FBXW10B: variants seen among roughly 807,000 people sequenced by gnomAD.
The protein encoded by FBXW10B is F-box and WD repeat domain containing protein 10B.
chr17:15,581,397 T>A, the FBXW10B span, among the ~76,000 whole-genome samples: 37 of 152,318 alleles, frequency 2.4e-4, no homozygotes, highest in Non-Finnish European at 5.0e-4. Flanking sequence ...CTATCAAGAC[T>A]TTTACCACAC....
At chr17:15,577,173 T>C in the FBXW10B span, among the ~76,000 whole-genome samples, 2 of 152,154 alleles carry the variant, frequency 1.3e-5, no homozygotes, top group Non-Finnish European at 2.9e-5. Flanking sequence ...GAAATTTCTT[T>C]TTTTTTAGTG....
chr17:15,611,765 G>A, the FBXW10B span, among the ~76,000 whole-genome samples: 12 of 151,954 alleles, frequency 7.9e-5, no homozygotes, highest in African/African-American at 2.9e-4. Context: ...CTTTAAGCAG[G>A]TGGGGGGGCG....
At chr17:15,568,165 G>A in the FBXW10B span, among the ~76,000 whole-genome samples, 2 of 152,324 alleles carry the variant, frequency 1.3e-5, no homozygotes, top group East Asian at 1.9e-4. Context: ...TTGGAATCAC[G>A]TCGAGGAGAA....
At chr17:15,605,464 CAG>C in the FBXW10B span, 1 of 1,396,458 alleles carries the variant, frequency 7.2e-7, no homozygotes, top group Admixed American at 2.5e-5. Flanking sequence ...AAAGAAGAGT[CAG>C]TGTCCCTCCT....
chr17:15,613,969 T>C, the FBXW10B span: 8 of 1,543,060 alleles, frequency 5.2e-6, 1 homozygote, highest in Non-Finnish European at 7.0e-6. Context: ...TGGTTATGTC[T>C]GCTTTTCCAG....
the FBXW10B span, among the ~76,000 whole-genome samples, chr17:15,616,794 A>G: frequency 6.9e-6 from 1 of 145,286 alleles, no homozygotes; most frequent in African/African-American, 2.6e-5. Context: ...CCTGGGCAAC[A>G]GAGTGAGACT....
chr17:15,593,343 C>T, the FBXW10B span: 1 of 1,614,040 alleles, frequency 6.2e-7, no homozygotes, highest in South Asian at 1.1e-5. Context: ...CCACCTGTTG[C>T]CCTGAATAAA....
the FBXW10B span, among the ~76,000 whole-genome samples, chr17:15,601,017 C>T: frequency 8.8e-6 from 1 of 113,288 alleles, no homozygotes. Flanking sequence ...CGTCACAGCA[C>T]TCCAGCCTGG....
chr17:15,581,288 A>AT, the FBXW10B span, among the ~76,000 whole-genome samples: 6 of 152,354 alleles, frequency 3.9e-5, no homozygotes, highest in South Asian at 1.2e-3. Context: ...GTATTAAAGT[A>AT]TTTTTAAAAC....
the FBXW10B span, chr17:15,615,955 G>A: frequency 1.5e-6 from 2 of 1,313,410 alleles, no homozygotes; most frequent in South Asian, 3.1e-5. Context: ...TTTATTTGGG[G>A]CCTCCAAACT....
the FBXW10B span, among the ~76,000 whole-genome samples, chr17:15,575,842 G>C: frequency 6.6e-6 from 1 of 152,116 alleles, no homozygotes; most frequent in African/African-American, 2.4e-5. Context: ...AGGATCCAGG[G>C]CAGCTTCCAC....
the FBXW10B span, among the ~76,000 whole-genome samples, chr17:15,601,408 CAAAAAAAAAAA>C: frequency 6.0e-5 from 4 of 66,622 alleles, no homozygotes; most frequent in Admixed American, 1.6e-4. Flanking sequence ...GACTCCGTCT[CAAAAAAAAAAA>C]AAAAAAAAAA....
the FBXW10B span, chr17:15,618,851 G>A: frequency 4.3e-5 from 42 of 985,284 alleles, no homozygotes; most frequent in Non-Finnish European, 4.9e-5. Context: ...AACAGGATCG[G>A]GTGTCAGGAC....
At chr17:15,591,153 G>A in the FBXW10B span, among the ~76,000 whole-genome samples, 1 of 152,204 alleles carries the variant, frequency 6.6e-6, no homozygotes, top group African/African-American at 2.4e-5. Flanking sequence ...AGCATGTGCA[G>A]GCTGGAGTTG....
the FBXW10B span, among the ~76,000 whole-genome samples, chr17:15,582,299 T>C: frequency 6.6e-6 from 1 of 150,672 alleles, no homozygotes; most frequent in Non-Finnish European, 1.5e-5. Flanking sequence ...CCACATTTTA[T>C]GAGCACTAAG....
chr17:15,595,948 A>G, the FBXW10B span, among the ~76,000 whole-genome samples: 8 of 143,534 alleles, frequency 5.6e-5, no homozygotes, highest in African/African-American at 1.1e-4. Context: ...GCATGATCTC[A>G]GCTCACTGCA....
the FBXW10B span, among the ~76,000 whole-genome samples, chr17:15,592,198 G>A: frequency 6.6e-6 from 1 of 152,158 alleles, no homozygotes; most frequent in South Asian, 2.1e-4. Context: ...TGGAATGCGG[G>A]GTGTCATTCC....
chr17:15,578,693 A>G, the FBXW10B span, among the ~76,000 whole-genome samples: 1 of 152,082 alleles, frequency 6.6e-6, no homozygotes, highest in South Asian at 2.1e-4. Context: ...TTGGACTACA[A>G]TGCTGGAAAC....
chr17:15,570,551 A>G, the FBXW10B span, among the ~76,000 whole-genome samples: 1 of 152,250 alleles, frequency 6.6e-6, no homozygotes, highest in African/African-American at 2.4e-5. Context: ...GCTGTTCTAT[A>G]GGAACTGGAC....
Sources: allele counts gnomAD v4.1 joint callset (sites outside exome capture counted in the v4.1 genomes callset), GRCh38; gene constraint gnomAD v4.1.1; transcripts MANE v1.5; gene names NCBI Gene and HGNC (gene_info 2026-07-23, HGNC 2026-07-21).